Variants in MAN2B2 observed in about 807,000 individuals in gnomAD.
MAN2B2 encodes the protein mannosidase alpha class 2B member 2.
In MAN2B2, 106 loss-of-function variants were observed where a neutral mutation model predicts 117.1. That is an observed-to-expected ratio of 0.90 (90% CI 0.77 to 1.06). The LOEUF (loss-of-function observed/expected upper bound fraction) is 1.06. Among genes scored for constraint, MAN2B2 ranks in the 50% least tolerant of loss-of-function variants. The pLI, the probability that MAN2B2 is intolerant of heterozygous loss-of-function variation, is 0.00. For missense variants in MAN2B2, 1,326 were observed against 1,381.4 expected, an observed-to-expected ratio of 0.96 and a Z score of 0.64; for synonymous variants, 544 against 595.1, an observed-to-expected ratio of 0.91 and a Z score of 1.25.
At chr4:6,594,832 A>G (rs921549494) in intron 7 of MAN2B2, 100 bp downstream of exon 7, 2 of 1,250,212 alleles carry the variant, frequency 1.6e-6, no homozygotes, top group African/African-American at 3.0e-5. Context: ...CTGCTCTCCA[A>G]GCCCTGGAGG....
intron 11 of MAN2B2, among the ~76,000 whole-genome samples, chr4:6,606,850 G>A (rs1727568013): frequency 1.3e-5 from 2 of 152,230 alleles, no homozygotes; most frequent in African/African-American, 2.4e-5. Context: ...GAGGCCTGGG[G>A]TGGGAAGCCA....
chr4:6,609,792 C>T lies in MAN2B2; in HGVS notation c.2007-6C>T. 6.2e-7 allele frequency: 1 copy of T among 1,611,390 alleles called. No individual in the cohort carries two copies. Among genetic ancestry groups the T allele is most frequent in the Non-Finnish European group, 8.5e-7 (1 of 1,177,916 alleles). On this transcript the variant is annotated splice_polypyrimidine_tract_variant and splice_region_variant and intron_variant, in intron 12 of 18. Transcript: ENST00000285599. ...CTTCACTTACTGATGCTCCCTTCTC[C>T]TCCAGGAACATGACAGCACAGAATT...
At chr4:6,609,447 G>C in intron 12 of MAN2B2, 149 bp downstream of exon 12, 2 of 771,350 alleles carry the variant, frequency 2.6e-6, no homozygotes. Context: ...AATTGCTCTG[G>C]TGTCTGCATG....
intron 10 of MAN2B2, 132 bp from the exon 11 acceptor site, chr4:6,604,923 T>C: frequency 1.8e-6 from 2 of 1,114,214 alleles, no homozygotes; most frequent in South Asian, 3.0e-5. Context: ...AAGCCAGAAC[T>C]GGGGGCAGGG....
rs1290455667 is a variant in MAN2B2 at position 6,600,701 on chromosome 4, T to C, written c.1484T>C (p.Val495Ala). The C allele has an allele frequency of 3.7e-6, 6 of 1,613,874 alleles. No individual in the cohort carries two copies. The South Asian group carries it at 6.6e-5, about 18-fold the overall frequency. The change falls in exon 10 of 19, where the codon GTT becomes GCT. Residue 495 changes from valine to alanine, a missense_variant. Coordinates refer to ENST00000285599, the MANE Select transcript of MAN2B2 (RefSeq NM_015274.3). ...GTCACCACCATCGTCACCCTGACTG[T>C]TGGTTTCCCTGGAGTCCGCGTCACA... ...WTVTTIVTLT[V>A]GFPGVRVTDE... is the part of the protein sequence containing the mutation.
At chr4:6,594,502 C>G in intron 6 of MAN2B2, 32 bp from the exon 7 acceptor site, 1 of 1,599,324 alleles carries the variant, frequency 6.3e-7, no homozygotes, top group Non-Finnish European at 8.5e-7. Flanking sequence ...CCTGCTCCCA[C>G]GGCACAGGAT....
chr4:6,620,118 C>T (rs944996909), intron 18 of MAN2B2, 74 bp downstream of exon 18: 17 of 1,249,856 alleles, frequency 1.4e-5, no homozygotes, highest in Non-Finnish European at 1.8e-5. Context: ...ACCCGGTGCA[C>T]ATCCAACCAT....
chr4:6,601,464 C>T (rs1447560006), intron 10 of MAN2B2, among the ~76,000 whole-genome samples: 2 of 150,466 alleles, frequency 1.3e-5, no homozygotes, highest in African/African-American at 2.5e-5. Context: ...TGCGCCACTG[C>T]ACTCCAGCCT....
intron 3 of MAN2B2, among the ~76,000 whole-genome samples, chr4:6,579,991 G>A (rs768071030): frequency 4.3e-4 from 65 of 152,238 alleles, no homozygotes; most frequent in Non-Finnish European, 5.4e-4. Context: ...TCCAGGCCTA[G>A]GGACTGAAGC....
chr4:6,583,825 T>G (rs1402735863), intron 3 of MAN2B2, among the ~76,000 whole-genome samples: 1 of 152,218 alleles, frequency 6.6e-6, no homozygotes, highest in African/African-American at 2.4e-5. Context: ...CCCTTTCCCA[T>G]GATTCTTCCC....
At chr4:6,617,713 C>G in intron 17 of MAN2B2, 2 of 748,540 alleles carry the variant, frequency 2.7e-6, no homozygotes, top group African/African-American at 1.8e-5. Flanking sequence ...CAGGATCTCA[C>G]TCTGTTGCCC....
chr4:6,620,130 T>G, intron 18 of MAN2B2, 86 bp downstream of exon 18: 1 of 1,173,494 alleles, frequency 8.5e-7, no homozygotes, highest in Non-Finnish European at 1.2e-6. Flanking sequence ...TCCAACCATC[T>G]GCCTGTCCCG....
chr4:6,604,929 C>A, intron 10 of MAN2B2, 126 bp from the exon 11 acceptor site: 3 of 1,150,428 alleles, frequency 2.6e-6, no homozygotes, highest in Non-Finnish European at 3.7e-6. Context: ...GAACTGGGGG[C>A]AGGGAGGAGA....
In MAN2B2 at chr4:6,617,266, G is replaced by C. The variant is rs542655967; in HGVS notation, c.2702-114G>C. On this transcript the variant is annotated intron_variant, in intron 16 of 18. Coordinates refer to ENST00000285599, the MANE Select transcript of MAN2B2 (RefSeq NM_015274.3). ...GTTGGGGACACAGCCAAACCATATC[G>C]AGGAGGTTACAGATAGGAAATGGAG... The C allele has an allele frequency of 9.8e-5, 73 of 741,978 alleles. No homozygotes were observed. In the South Asian group the frequency reaches 1.1e-3, roughly 11 times the overall value. The allele number at this position is 741,978 out of a possible 1,614,324, so 46.0% of individuals were successfully genotyped here.
chr4:6,587,750 GTTTTTTTTTT>G (rs201846526), intron 4 of MAN2B2, among the ~76,000 whole-genome samples: 38,105 of 113,610 alleles, frequency 0.34, 5,855 homozygotes, highest in East Asian at 0.55. Flanking sequence ...TTGGGTTGTT[GTTTTTTTTTT>G]TTTTTTTTTT....
Position 6,598,337 on chromosome 4 carries a change from C to A in MAN2B2, c.1388C>A (p.Pro463His). Reference sequence around the variant, plus strand: ...CTAGATGAGCTCCAGCCCCAGGCACCCATGGCGGCCAGCTCCGGTGAGCAG... The same window carrying A: ...CTAGATGAGCTCCAGCCCCAGGCACACATGGCGGCCAGCTCCGGTGAGCAG... Reference protein sequence around the residue: ...IVLDELQPQAPMAASSDAGPA... With the variant: ...IVLDELQPQAHMAASSDAGPA... Residue 463 changes from proline (P) to histidine (H), a missense_variant, in exon 9 of 19, where the codon CCC becomes CAC. Physicochemically the swap from Pro to His is moderately conservative, Grantham distance 77. Coordinates refer to ENST00000285599, the MANE Select transcript of MAN2B2 (RefSeq NM_015274.3). The A allele has an allele frequency of 6.2e-7, 1 of 1,612,484 alleles. No individual in the cohort carries two copies. Among genetic ancestry groups the A allele is most frequent in the Non-Finnish European group, 8.5e-7 (1 of 1,179,454 alleles).
chr4:6,575,417 G>A (rs950901524), intron 1 of MAN2B2, 69 bp downstream of exon 1: 6 of 1,271,026 alleles, frequency 4.7e-6, no homozygotes, highest in Non-Finnish European at 6.3e-6. Context: ...ATCTGAGTGT[G>A]GGTTTGCGTC....
chr4:6,593,274 T>G lies in MAN2B2; in HGVS notation c.782T>G (p.Leu261Arg), dbSNP rs917029429. The G allele has an allele frequency of 1.2e-6, 2 of 1,613,796 alleles. No individual in the cohort carries two copies. Among genetic ancestry groups the G allele is most frequent in the African/African-American group, 2.7e-5 (2 of 74,908 alleles). ...CCTGTCACCCCAGCCAACATCAACC[T>G]CTATGCCGAGGCCCTGGTGGCCAAC... ...SEPVTPANIN[L>R]YAEALVANVK... The change falls in exon 6 of 19, where the codon CTC becomes CGC. Residue 261 changes from leucine (L) to arginine (R), a missense_variant. Transcript: ENST00000285599.
At position 6,609,790 on chromosome 4, in the gene MAN2B2, T is replaced by C; in HGVS notation, c.2007-8T>C. ...AGCTTCACTTACTGATGCTCCCTTCTCCTCCAGGAACATGACAGCACAGAA... is the reference window on the plus strand; with the variant it reads ...AGCTTCACTTACTGATGCTCCCTTCCCCTCCAGGAACATGACAGCACAGAA... On this transcript the variant is annotated splice_polypyrimidine_tract_variant and splice_region_variant and intron_variant, in intron 12 of 18. Coordinates refer to ENST00000285599, the MANE Select transcript of MAN2B2 (RefSeq NM_015274.3). 6.3e-7 allele frequency: 1 copy of C among 1,599,330 alleles called. No homozygotes were observed. The highest frequency in any genetic ancestry group is 8.5e-7 in the Non-Finnish European group (1 of 1,169,860).
Sources: allele counts gnomAD v4.1 joint callset (sites outside exome capture counted in the v4.1 genomes callset), GRCh38; gene constraint gnomAD v4.1.1; transcripts MANE v1.5; gene names NCBI Gene and HGNC (gene_info 2026-07-23, HGNC 2026-07-21).